RAP1A: variants seen among roughly 807,000 people sequenced by gnomAD.
The protein encoded by RAP1A is ras-related protein Rap-1A.
In RAP1A, 6 loss-of-function variants were observed where a neutral mutation model predicts 26.4. The ratio of observed to expected loss-of-function variants is 0.23; its 90% CI spans 0.12 to 0.45. The LOEUF is 0.45. Among genes scored for constraint, RAP1A ranks in the 20% least tolerant of loss-of-function variants. The pLI, the probability that RAP1A is intolerant of heterozygous loss-of-function variation, is 0.99. For synonymous variants in RAP1A, 73 were observed against 79.4 expected, an observed-to-expected ratio of 0.92 and a Z score of 0.43; for missense variants, 121 against 217.2, an observed-to-expected ratio of 0.56 and a Z score of 2.78.
upstream of RAP1A, among the ~76,000 whole-genome samples, chr1:111,616,806 A>G (rs1187806266): frequency 6.6e-6 from 1 of 152,162 alleles, no homozygotes; most frequent in African/African-American, 2.4e-5. Context: ...ATGTATGATC[A>G]TCAACTCAAG....
At chr1:111,622,983 G>A (rs1480482579) in intron 1 of RAP1A, among the ~76,000 whole-genome samples, 1 of 152,030 alleles carries the variant, frequency 6.6e-6, no homozygotes, top group Non-Finnish European at 1.5e-5. Flanking sequence ...TTTCATGTTG[G>A]TAATTGTTTT....
Position 111,619,790 on chromosome 1 carries a change from C to A in RAP1A, c.-172C>A. On this transcript the variant is annotated 5_prime_UTR_variant, in exon 1 of 8. Transcript: ENST00000369709. ...CGTGCGCGTTCTGGAGGAGGCGCCG[C>A]CGCCGCTCCCGAGGCCCCTGCCGCC... 1 of 398,036 alleles carries A rather than the reference C, an allele frequency of 2.5e-6. No homozygotes were observed. Among genetic ancestry groups the A allele is most frequent in the Non-Finnish European group, 4.4e-6 (1 of 225,964 alleles). The allele number at this position is 398,036 out of a possible 1,614,324, so 24.7% of individuals were successfully genotyped here.
intron 1 of RAP1A, among the ~76,000 whole-genome samples, chr1:111,644,799 A>G (rs1465064260): frequency 6.6e-6 from 1 of 152,214 alleles, no homozygotes. Flanking sequence ...GGGGAGGGTC[A>G]TAGATCTCTT....
intron 1 of RAP1A, among the ~76,000 whole-genome samples, chr1:111,639,502 A>G (rs993832196): frequency 6.6e-6 from 1 of 151,484 alleles, no homozygotes; most frequent in African/African-American, 2.4e-5. Flanking sequence ...CACTCACAGC[A>G]TTGTTAAAAT....
intron 1 of RAP1A, among the ~76,000 whole-genome samples, chr1:111,657,094 C>A (rs1053885423): frequency 5.3e-5 from 8 of 151,574 alleles, no homozygotes; most frequent in African/African-American, 1.2e-4. Context: ...ATTAGGGATA[C>A]CTATATGTCA....
intron 1 of RAP1A, among the ~76,000 whole-genome samples, chr1:111,658,006 A>C (rs939483203): frequency 1.3e-5 from 2 of 152,124 alleles, no homozygotes; most frequent in East Asian, 1.9e-4. Context: ...AATTTATTCA[A>C]ATTTATTGAG....
intron 1 of RAP1A, among the ~76,000 whole-genome samples, chr1:111,651,937 CTT>C (rs149830306): frequency 6.9e-5 from 10 of 145,744 alleles, no homozygotes; most frequent in African/African-American, 5.0e-5. Flanking sequence ...TTTTAATTGA[CTT>C]TTTTTTTTTT....
intron 1 of RAP1A, among the ~76,000 whole-genome samples, chr1:111,627,929 T>C (rs956658111): frequency 6.7e-6 from 1 of 149,182 alleles, no homozygotes; most frequent in Non-Finnish European, 1.5e-5. Context: ...GTTCTGACTT[T>C]GAAAAAACAA....
chr1:111,701,085 A>G (rs774886011), intron 4 of RAP1A, among the ~76,000 whole-genome samples: 2 of 152,174 alleles, frequency 1.3e-5, no homozygotes, highest in Non-Finnish European at 2.9e-5. Context: ...CTCAGCTTAA[A>G]TTATGCATTA....
In RAP1A at chr1:111,670,236, C is replaced by T. The variant is rs1393362420; in HGVS notation, c.-27-21098C>T. 9.9e-5 allele frequency among the ~76,000 whole-genome samples: 15 copies of T among 152,134 alleles called. 1 individual carries two copies. In the South Asian group the frequency reaches 3.1e-3, roughly 32 times the overall value. On this transcript the variant is annotated intron_variant, in intron 1 of 7. Transcript: ENST00000369709. ...CCTGTAATCCCAGCACCTTGGGAGG[C>T]CAAGGTGGGCAGATAGCTTGAGCCT... is the stretch of plus-strand genomic sequence containing the variant.
chr1:111,703,422 T>G lies in RAP1A; in HGVS notation c.270T>G (p.Phe90Leu), dbSNP rs1662084245. Residue 90 changes from phenylalanine (F) to leucine (L), a missense_variant, in exon 5 of 8, where the codon TTT becomes TTG. Coordinates refer to ENST00000369709, the MANE Select transcript of RAP1A (RefSeq NM_002884.4). ...LVYSITAQST[F>L]NDLQDLREQI... ...ATTCTATTACAGCTCAGTCCACGTT[T>G]AACGACTTACAGGACCTGAGGGAAC... 6.2e-7 allele frequency: 1 copy of G among 1,607,714 alleles called. No homozygotes were observed. Among genetic ancestry groups the G allele is most frequent in the Non-Finnish European group, 8.5e-7 (1 of 1,176,132 alleles).
intron 1 of RAP1A, among the ~76,000 whole-genome samples, chr1:111,568,877 T>C (rs1015401038): frequency 3.9e-5 from 6 of 152,204 alleles, no homozygotes; most frequent in Non-Finnish European, 8.8e-5. Flanking sequence ...ATAAAGGCCT[T>C]TGTGATGATT....
chr1:111,604,019 A>G (rs1363836453), intron 1 of RAP1A, among the ~76,000 whole-genome samples: 1 of 152,218 alleles, frequency 6.6e-6, no homozygotes, highest in Admixed American at 6.5e-5. Context: ...GATCATTTAC[A>G]ATGTGCCATC....
chr1:111,630,982 G>GT (rs1363846655), intron 1 of RAP1A, among the ~76,000 whole-genome samples: 1 of 152,122 alleles, frequency 6.6e-6, no homozygotes, highest in Non-Finnish European at 1.5e-5. Flanking sequence ...CATAAATTAT[G>GT]TTTTTCCCAG....
intron 1 of RAP1A, among the ~76,000 whole-genome samples, chr1:111,596,058 T>C (rs1658558636): frequency 1.3e-5 from 2 of 152,214 alleles, no homozygotes; most frequent in South Asian, 2.1e-4. Context: ...TCAAAGTTTG[T>C]GATCTTTGCT....
rs1486858096 is a variant in RAP1A, at chr1:111,648,293, C to A, written c.-28+28359C>A. The A allele has an allele frequency of 1.5e-5, 15 of 999,526 alleles. No individual in the cohort carries two copies. The South Asian group carries it at 1.6e-4, about 10-fold the overall frequency. The allele number at this position is 999,526 out of a possible 1,614,324, so 61.9% of individuals were successfully genotyped here. ...GTACCCTGCTTCTGCTGGCTTAATT[C>A]TCAGAACTTTGGTGTCATTGGTCTC... is the stretch of plus-strand genomic sequence containing the variant. On this transcript the variant is annotated intron_variant, in intron 1 of 7. Transcript: ENST00000369709.
chr1:111,684,301 A>G (rs1036956309), intron 1 of RAP1A, among the ~76,000 whole-genome samples: 3 of 152,220 alleles, frequency 2.0e-5, no homozygotes, highest in African/African-American at 7.2e-5. Flanking sequence ...TGGCCAAGGC[A>G]GTCAGGCAAG....
chr1:111,581,444 C>G (rs1263133347), intron 1 of RAP1A, among the ~76,000 whole-genome samples: 8 of 152,034 alleles, frequency 5.3e-5, no homozygotes, highest in African/African-American at 1.9e-4. Flanking sequence ...AGGGAGGCTG[C>G]TAAATATCCT....
intron 1 of RAP1A, among the ~76,000 whole-genome samples, chr1:111,594,062 G>A (rs1013969645): frequency 1.3e-5 from 2 of 152,210 alleles, no homozygotes; most frequent in African/African-American, 2.4e-5. Flanking sequence ...CTCCAGCAAC[G>A]TTTCACTTCA....
Sources: allele counts gnomAD v4.1 joint callset (sites outside exome capture counted in the v4.1 genomes callset), GRCh38; gene constraint gnomAD v4.1.1; transcripts MANE v1.5; gene names NCBI Gene and HGNC (gene_info 2026-07-23, HGNC 2026-07-21).